Variants in TBL1Y observed in about 807,000 individuals in gnomAD.
TBL1Y encodes F-box-like/WD repeat-containing protein TBL1Y.
Under a neutral mutation model 12.0 loss-of-function variants are expected in TBL1Y, and 15 were observed. That is an observed-to-expected ratio of 1.25 (90% CI 0.83 to 1.92). TBL1Y has a LOEUF of 1.92. Among genes scored for constraint, TBL1Y ranks in the 40% most tolerant of loss-of-function variants. TBL1Y has a pLI of 0.00. For synonymous variants in TBL1Y, 53 were observed against 42.6 expected (o/e 1.24, Z -0.95); for missense variants, 148 against 116.7 (o/e 1.27, Z -1.24).
chrY:7,076,406 G>A (rs952532058), intron 13 of TBL1Y, among the ~76,000 whole-genome samples: 1 of 32,686 alleles, frequency 3.1e-5, no homozygotes, highest in Non-Finnish European at 7.5e-5. Flanking sequence ...GGCTGGCCAC[G>A]AGGTAGATCC....
chrY:7,079,737 G>A (rs2013082133), intron 13 of TBL1Y, among the ~76,000 whole-genome samples: 1 of 33,789 alleles, frequency 3.0e-5, no homozygotes, highest in Non-Finnish European at 7.3e-5. Context: ...TACATATATT[G>A]AGGTATCTTG....
At chrY:7,049,656 C>T (rs2124165842) in intron 7 of TBL1Y, among the ~76,000 whole-genome samples, 1 of 34,110 alleles carries the variant, frequency 2.9e-5, no homozygotes, top group East Asian at 7.8e-4. Flanking sequence ...CTGTTGGCTG[C>T]GTAAATGTCT....
At chrY:7,070,890 T>C in intron 10 of TBL1Y, 29 bp downstream of exon 10, 1 of 374,560 alleles carries the variant, frequency 2.7e-6, no homozygotes, top group Non-Finnish European at 3.7e-6. Context: ...CTGGGCACTT[T>C]GAAATTGGTA....
chrY:6,975,902 C>CGT (rs757704602), intron 2 of TBL1Y, among the ~76,000 whole-genome samples: 621 of 27,535 alleles, frequency 0.023, no homozygotes, highest in Middle Eastern at 0.16. Flanking sequence ...GAATATACTT[C>CGT]GTGTGTGTGT....
intron 4 of TBL1Y, among the ~76,000 whole-genome samples, chrY:6,998,931 G>A: frequency 3.0e-5 from 1 of 33,610 alleles, no homozygotes; most frequent in Non-Finnish European, 7.4e-5. Flanking sequence ...CTCCAAACAC[G>A]TTCACAAAGT....
At chrY:6,922,886 A>G in intron 2 of TBL1Y, among the ~76,000 whole-genome samples, 1 of 34,541 alleles carries the variant, frequency 2.9e-5, no homozygotes, top group Non-Finnish European at 7.3e-5. Context: ...CGCGGAGGCC[A>G]CAGCCCACCC....
chrY:7,083,085 A>G, intron 14 of TBL1Y, among the ~76,000 whole-genome samples: 2 of 33,348 alleles, frequency 6.0e-5, no homozygotes, highest in Non-Finnish European at 1.5e-4. Flanking sequence ...CTAACCCTGG[A>G]CTATCCTCAA....
At chrY:7,065,277 G>C (rs749860849) in intron 8 of TBL1Y, among the ~76,000 whole-genome samples, 25 of 33,055 alleles carry the variant, frequency 7.6e-4, no homozygotes, top group Admixed American at 6.6e-3. Context: ...AGTCTCATGA[G>C]ATCTTACGGT....
intron 4 of TBL1Y, among the ~76,000 whole-genome samples, chrY:6,997,317 G>A: frequency 6.1e-5 from 2 of 32,689 alleles, no homozygotes; most frequent in Non-Finnish European, 1.5e-4. Context: ...TTGGGAGGCT[G>A]AGGCAGGAGG....
At chrY:7,080,191 C>G in intron 13 of TBL1Y, among the ~76,000 whole-genome samples, 1 of 28,360 alleles carries the variant, frequency 3.5e-5, no homozygotes, top group Non-Finnish European at 8.1e-5. Context: ...TCTCCTGCCT[C>G]CATCTCTCAA....
intron 2 of TBL1Y, among the ~76,000 whole-genome samples, chrY:6,932,858 C>T: frequency 4.0e-4 from 13 of 32,802 alleles, no homozygotes; most frequent in African/African-American, 1.5e-3. Context: ...CCCCAGGCCA[C>T]CACAAATCTT....
At chrY:7,057,828 T>G (rs2124169537) in intron 7 of TBL1Y, among the ~76,000 whole-genome samples, 2 of 34,189 alleles carry the variant, frequency 5.8e-5, no homozygotes, top group Admixed American at 5.3e-4. Flanking sequence ...CCAAGCCATC[T>G]GGCAAGCAGC....
rs1243392014 is a variant in TBL1Y, at chrY:6,961,329, C to T, written c.-265-16884C>T. Among the ~76,000 whole-genome samples the T allele has an allele frequency of 2.6e-4, 8 of 31,126 alleles. No homozygotes were observed. In the East Asian group the frequency reaches 3.3e-3, roughly 13 times the overall value. The allele number at this position is 31,126 out of a possible 37,273, so 83.5% of individuals were successfully genotyped here. A position where few individuals can be genotyped will look rare whatever the true frequency, so the allele number is the denominator to read the frequency against. Reference sequence around the variant, plus strand: ...TCAGCTTCTTTAGCTGGGCCCAGGTCGGCGGCTCCGCTTTCTTGGTGGATG... The same window carrying T: ...TCAGCTTCTTTAGCTGGGCCCAGGTTGGCGGCTCCGCTTTCTTGGTGGATG... On this transcript the variant is annotated intron_variant, in intron 2 of 18. Coordinates refer to ENST00000383032, the MANE Select transcript of TBL1Y (RefSeq NM_033284.2).
chrY:6,954,564 C>G (rs775088730), intron 2 of TBL1Y, among the ~76,000 whole-genome samples: 1 of 33,993 alleles, frequency 2.9e-5, no homozygotes, highest in East Asian at 8.0e-4. Context: ...TCTCCAGGTG[C>G]TGTGTGTCAC....
chrY:6,922,104 G>A, intron 2 of TBL1Y, among the ~76,000 whole-genome samples: 1 of 33,704 alleles, frequency 3.0e-5, no homozygotes, highest in Non-Finnish European at 7.4e-5. Flanking sequence ...GTGTTAAACA[G>A]CTCTTAAAGG....
chrY:7,074,233 A>G, intron 12 of TBL1Y, among the ~76,000 whole-genome samples: 1 of 33,807 alleles, frequency 3.0e-5, no homozygotes, highest in Non-Finnish European at 7.3e-5. Context: ...AGTGTGAAAC[A>G]TGGCGTGCTT....
At chrY:7,002,114 A>G in intron 4 of TBL1Y, among the ~76,000 whole-genome samples, 4 of 34,476 alleles carry the variant, frequency 1.2e-4, no homozygotes, top group Non-Finnish European at 2.2e-4. Context: ...CCAGGAACTC[A>G]TACTTACCAA....
At chrY:7,063,241 T>G (rs2124174170) in intron 7 of TBL1Y, among the ~76,000 whole-genome samples, 1 of 33,545 alleles carries the variant, frequency 3.0e-5, no homozygotes, top group Admixed American at 2.7e-4. Context: ...ATATAAAATA[T>G]TCTTTTTAAT....
intron 7 of TBL1Y, among the ~76,000 whole-genome samples, chrY:7,051,451 C>T (rs945316743): frequency 3.0e-5 from 1 of 33,155 alleles, no homozygotes; most frequent in African/African-American, 1.2e-4. Context: ...TACAGTGAGC[C>T]GAGACTGCAC....
Sources: gnomAD v4.1 joint callset for allele counts (sites outside exome capture counted in the v4.1 genomes callset) on GRCh38, gnomAD v4.1.1 for gene constraint, MANE v1.5 for transcripts, NCBI Gene and HGNC (gene_info 2026-07-23, HGNC 2026-07-21) for gene names.